The following MYO5A variants were observed in gnomAD, a reference collection of about 807,000 sequenced individuals.
MYO5A encodes the protein myosin VA.
Under a neutral mutation model 249.7 loss-of-function variants are expected in MYO5A, and 98 were observed. That is an observed-to-expected ratio of 0.39 (90% CI 0.33 to 0.46). The LOEUF (loss-of-function observed/expected upper bound fraction) is 0.46, where lower values mean the gene tolerates loss of function less well. Among genes scored for constraint, MYO5A ranks in the 20% least tolerant of loss-of-function variants. The probability of loss-of-function intolerance (pLI) is 0.98; values close to 1 mark genes in which losing one functional copy is unlikely to be tolerated. For synonymous variants in MYO5A, 778 were observed against 810.6 expected (o/e 0.96, Z 0.68); for missense variants, 1,696 against 2,308.8 (o/e 0.73, Z 5.44).
At chr15:52,395,269 A>C (rs2693460) in intron 11 of MYO5A, among the ~76,000 whole-genome samples, 146,918 of 152,240 alleles carry the variant, frequency 0.97, 71,109 homozygotes, top group East Asian at 1. Flanking sequence ...TTCACATACA[A>C]CACCTCCTTC....
Position 52,405,299 on chromosome 15 carries a change from G to A in MYO5A, c.1041C>T (p.Ser347=), listed in dbSNP as rs1393690531. The A allele has an allele frequency of 6.2e-7, 1 of 1,610,740 alleles. No individual in the cohort carries two copies. Among genetic ancestry groups the A allele is most frequent in the South Asian group, 1.1e-5 (1 of 90,996 alleles). ...NVGFTSRDAD[S]CTIPPKHEPL... is the part of the protein sequence containing the mutation. ...ATTCTGAACTTACAGGTATTGTGCA[G>A]CTGTCTGCATCTCGGGATGTAAATC... is the stretch of plus-strand genomic sequence containing the variant. The change falls in exon 9 of 42, where the codon AGC becomes AGT. Residue 347 remains serine (S), a synonymous_variant. Transcript: ENST00000399233.
At chr15:52,346,483 T>G in intron 29 of MYO5A, 22 bp from the exon 30 acceptor site, 1 of 1,422,764 alleles carries the variant, frequency 7.0e-7, no homozygotes, top group Non-Finnish European at 9.9e-7. Flanking sequence ...ATAACACATT[T>G]ACGCATTAAG....
At chr15:52,514,703 A>C (rs1275351663) in intron 1 of MYO5A, among the ~76,000 whole-genome samples, 1 of 152,168 alleles carries the variant, frequency 6.6e-6, no homozygotes, top group Non-Finnish European at 1.5e-5. Context: ...GAGTTGTTAG[A>C]AATGCAGGCT....
chr15:52,449,901 T>C (rs2075979091), intron 1 of MYO5A, among the ~76,000 whole-genome samples: 1 of 152,022 alleles, frequency 6.6e-6, no homozygotes, highest in Non-Finnish European at 1.5e-5. Flanking sequence ...CTTAGAAAGC[T>C]GAGGTTGGGA....
intron 12 of MYO5A, 55 bp from the exon 13 acceptor site, chr15:52,389,418 T>C (rs1056290109): frequency 1.8e-5 from 28 of 1,534,748 alleles, no homozygotes; most frequent in Non-Finnish European, 2.3e-5. Flanking sequence ...GTGATTCCTC[T>C]AAAGCATCAG....
intron 34 of MYO5A, chr15:52,331,710 C>G: frequency 1.0e-6 from 1 of 985,444 alleles, no homozygotes; most frequent in Non-Finnish European, 1.2e-6. Context: ...TGCCAGTGCT[C>G]TTGCTTATGT....
chr15:52,319,845 C>G (rs766668473), intron 38 of MYO5A, among the ~76,000 whole-genome samples: 1 of 152,212 alleles, frequency 6.6e-6, no homozygotes, highest in Non-Finnish European at 1.5e-5. Flanking sequence ...CAAAAATTTA[C>G]TATGAATCTA....
intron 9 of MYO5A, among the ~76,000 whole-genome samples, chr15:52,397,796 C>T (rs1280739466): frequency 2.0e-5 from 3 of 152,160 alleles, no homozygotes; most frequent in Non-Finnish European, 4.4e-5. Flanking sequence ...CTGAGTGCTA[C>T]TATGCACCAG....
At chr15:52,380,525 T>C (rs538756990) in intron 16 of MYO5A, among the ~76,000 whole-genome samples, 4 of 151,212 alleles carry the variant, frequency 2.6e-5, no homozygotes, top group Middle Eastern at 3.5e-3. Context: ...CCCAGCACTT[T>C]AGGAGGCCAA....
intron 1 of MYO5A, 128 bp from the exon 2 acceptor site, chr15:52,433,413 CTTTTTTT>C (rs151276395): frequency 3.2e-3 from 886 of 274,790 alleles, no homozygotes; most frequent in East Asian, 0.016. Flanking sequence ...ATGAAATTCA[CTTTTTTT>C]TTTTTTTTTT....
At chr15:52,365,254 T>C (rs2040751134) in intron 23 of MYO5A, among the ~76,000 whole-genome samples, 1 of 152,244 alleles carries the variant, frequency 6.6e-6, no homozygotes, top group African/African-American at 2.4e-5. Context: ...TCCCAGCTTC[T>C]AACCAGATAA....
At chr15:52,463,020 G>C (rs528683570) in intron 1 of MYO5A, among the ~76,000 whole-genome samples, 1 of 152,160 alleles carries the variant, frequency 6.6e-6, no homozygotes, top group Non-Finnish European at 1.5e-5. Context: ...GTATGACTGA[G>C]AGAAACTGAC....
intron 1 of MYO5A, chr15:52,505,446 C>CACT: frequency 1.1e-6 from 1 of 897,922 alleles, no homozygotes; most frequent in Non-Finnish European, 1.9e-6. Context: ...ATGTGGAAGA[C>CACT]ACTACAGGAA....
Position 52,313,542 on chromosome 15 carries a change from A to G in MYO5A, c.*154T>C. 1.0e-6 allele frequency: 1 copy of G among 976,860 alleles called. No homozygotes were observed. Among genetic ancestry groups the G allele is most frequent in the South Asian group, 1.5e-5 (1 of 67,324 alleles). 60.5% of individuals were successfully genotyped at this position (976,860 alleles called of 1,614,324 possible). A position where few individuals can be genotyped will look rare whatever the true frequency, so the allele number is the denominator to read the frequency against. On this transcript the variant is annotated 3_prime_UTR_variant, in exon 42 of 42. Transcript: ENST00000399233. The stretch of plus-strand genomic sequence containing the variant: ...GCCTATCTTTGTTTCCAAAGTGATG[A>G]AAGTATTCTAGGGAGATTTCCAGTT...
rs146712009 is a variant in MYO5A, at chr15:52,402,824, G to A, written c.1053+2463C>T. Reference sequence around the variant, plus strand: ...CGCATCACTGCACTCCAGACCAGGCGACAGAGCAAGACTCCGTCTCAAAAA... The same window carrying A: ...CGCATCACTGCACTCCAGACCAGGCAACAGAGCAAGACTCCGTCTCAAAAA... On this transcript the variant is annotated intron_variant, in intron 9 of 41. Transcript: ENST00000399233. 7.3e-3 allele frequency among the ~76,000 whole-genome samples: 1,114 copies of A among 152,018 alleles called. 2 individuals carry two copies. Among genetic ancestry groups the A allele is most frequent in the Non-Finnish European group, 0.013 (907 of 67,974 alleles).
At chr15:52,380,877 C>T (rs867991191) in intron 16 of MYO5A, among the ~76,000 whole-genome samples, 6 of 152,196 alleles carry the variant, frequency 3.9e-5, no homozygotes, top group Non-Finnish European at 8.8e-5. Context: ...CAGAGCTCCC[C>T]TGGAATAAAG....
chr15:52,327,208 C>T (rs1303411511), intron 36 of MYO5A, among the ~76,000 whole-genome samples: 1 of 152,080 alleles, frequency 6.6e-6, no homozygotes, highest in Non-Finnish European at 1.5e-5. Context: ...CATCACGTTC[C>T]CTGTATATAT....
chr15:52,431,204 C>T (rs933500963), intron 2 of MYO5A, among the ~76,000 whole-genome samples: 1 of 110,264 alleles, frequency 9.1e-6, no homozygotes, highest in Non-Finnish European at 1.7e-5. Flanking sequence ...AATACTCCAG[C>T]CTGGGTGACA....
At chr15:52,459,317 C>G (rs561248950) in intron 1 of MYO5A, among the ~76,000 whole-genome samples, 3 of 151,934 alleles carry the variant, frequency 2.0e-5, no homozygotes, top group Admixed American at 1.3e-4. Flanking sequence ...CCGCCTTCCA[C>G]CTTCCACAGT....
Sources: gnomAD v4.1 joint callset for allele counts (sites outside exome capture counted in the v4.1 genomes callset) on GRCh38, gnomAD v4.1.1 for gene constraint, MANE v1.5 for transcripts, NCBI Gene and HGNC (gene_info 2026-07-23, HGNC 2026-07-21) for gene names.